LRPPRC: variants seen among roughly 807,000 people sequenced by gnomAD.
The protein encoded by LRPPRC is leucine-rich PPR motif-containing protein, mitochondrial.
A neutral mutation model predicts 180.3 loss-of-function variants in LRPPRC; 120 were observed. The ratio of observed to expected loss-of-function variants is 0.67; its 90% CI spans 0.57 to 0.77. The LOEUF is 0.77. Ranked by LOEUF, LRPPRC falls within the 30% of genes least tolerant of loss-of-function variation. The pLI, the probability that LRPPRC is intolerant of heterozygous loss-of-function variation, is 0.00. For synonymous variants in LRPPRC, 723 were observed against 600.0 expected, an observed-to-expected ratio of 1.21 and a Z score of -3.00; for missense variants, 2,012 against 1,657.2, an observed-to-expected ratio of 1.21 and a Z score of -3.72.
At chr2:43,994,373 C>T (rs1042875647) in intron 1 of LRPPRC, among the ~76,000 whole-genome samples, 1 of 152,184 alleles carries the variant, frequency 6.6e-6, no homozygotes, top group Non-Finnish European at 1.5e-5. Flanking sequence ...CCATGAAGGT[C>T]CGCATAACCG....
At position 43,979,899 on chromosome 2, in the gene LRPPRC, A is replaced by G; in HGVS notation, c.396T>C (p.Ser132=). ...CTTCAAGCTTTAGTTCAGGCAAGAG[A>G]GAACCACAACTACGTAGTAGAAGCA... ...HALLLLRSCG[S]LLPELKLEER... The change falls in exon 3 of 38, where the codon TCT becomes TCC. Residue 132 remains serine (S), a synonymous_variant. Coordinates refer to ENST00000260665, the MANE Select transcript of LRPPRC (RefSeq NM_133259.4). 6.2e-7 allele frequency: 1 copy of G among 1,613,850 alleles called. No homozygotes were observed.
chr2:43,963,886 C>G (rs770821209), intron 11 of LRPPRC, 180 bp from the exon 12 acceptor site: 43 of 619,168 alleles, frequency 6.9e-5, no homozygotes, highest in Middle Eastern at 4.3e-4. Context: ...TTAACTCCTC[C>G]TTTCTTCATC....
chr2:43,944,803 A>G (rs1011725760), intron 22 of LRPPRC, among the ~76,000 whole-genome samples: 9 of 152,132 alleles, frequency 5.9e-5, no homozygotes, highest in African/African-American at 2.2e-4. Context: ...TGAGTATGCA[A>G]ATCAGCTGTG....
At chr2:43,925,766 G>A (rs1243677663) in intron 26 of LRPPRC, 127 bp downstream of exon 26, 4 of 747,446 alleles carry the variant, frequency 5.4e-6, no homozygotes, top group Non-Finnish European at 9.9e-6. Context: ...TCTGGCAAAT[G>A]ATCGAGATAA....
intron 13 of LRPPRC, among the ~76,000 whole-genome samples, chr2:43,960,259 A>C (rs1673289522): frequency 6.6e-6 from 1 of 152,224 alleles, no homozygotes; most frequent in African/African-American, 2.4e-5. Flanking sequence ...CTTCTTCTAA[A>C]TCACATAATC....
At chr2:43,992,402 G>A (rs767115930) in intron 1 of LRPPRC, among the ~76,000 whole-genome samples, 18 of 152,228 alleles carry the variant, frequency 1.2e-4, no homozygotes, top group Non-Finnish European at 1.9e-4. Context: ...CTTCAAAGTA[G>A]TAGTCTGGTA....
At chr2:43,910,898 A>AT (rs1171437147) in intron 30 of LRPPRC, among the ~76,000 whole-genome samples, 3 of 151,914 alleles carry the variant, frequency 2.0e-5, no homozygotes, top group Non-Finnish European at 1.5e-5. Flanking sequence ...TCAAAATCTA[A>AT]TTTTTTTTAA....
At position 43,927,505 on chromosome 2, in the gene LRPPRC, A is replaced by T. The variant is rs182066926; in HGVS notation, c.2737-1544T>A. On this transcript the variant is annotated intron_variant, in intron 25 of 37. Transcript: ENST00000260665. ...ACTATTAATATCTACACTCAGGCAC[A>T]ATTTCTTCTCAAGGATTTTTCTTAC... Among the ~76,000 whole-genome samples the T allele has an allele frequency of 3.3e-4, 50 of 152,336 alleles. 1 individual carries two copies. Among genetic ancestry groups the T allele is most frequent in the African/African-American group, 1.1e-3 (47 of 41,572 alleles).
chr2:43,893,279 T>C (rs1670560466), intron 36 of LRPPRC, among the ~76,000 whole-genome samples: 1 of 152,226 alleles, frequency 6.6e-6, no homozygotes, highest in Non-Finnish European at 1.5e-5. Context: ...AATAAAGCAG[T>C]GGTATGGTTT....
chr2:43,941,948 A>T lies in LRPPRC; in HGVS notation c.2504+1739T>A, dbSNP rs1229951348. Among the ~76,000 whole-genome samples the T allele has an allele frequency of 2.6e-5, 4 of 152,256 alleles. No homozygotes were observed. The South Asian group carries it at 8.3e-4, about 32-fold the overall frequency. ...AAAACACCAATAATGAAAAGACACTAATTTAGATTTCCTTAGCTCAATTAG... is the reference window on the plus strand; with the variant it reads ...AAAACACCAATAATGAAAAGACACTTATTTAGATTTCCTTAGCTCAATTAG... On this transcript the variant is annotated intron_variant, in intron 23 of 37. Coordinates refer to ENST00000260665, the MANE Select transcript of LRPPRC (RefSeq NM_133259.4).
chr2:43,901,729 C>T (rs968311251), intron 31 of LRPPRC: 14 of 539,858 alleles, frequency 2.6e-5, no homozygotes, highest in Admixed American at 1.3e-4. Flanking sequence ...ATTAGAGGCC[C>T]GAGGAATTTC....
intron 31 of LRPPRC, chr2:43,903,509 T>C (rs1670960020): frequency 6.9e-6 from 1 of 145,572 alleles, no homozygotes; most frequent in African/African-American, 2.5e-5. Context: ...GTGCAAACAC[T>C]ACTCCTGTCC....
intron 27 of LRPPRC, among the ~76,000 whole-genome samples, chr2:43,921,945 G>C (rs905505024): frequency 6.6e-6 from 1 of 152,148 alleles, no homozygotes; most frequent in African/African-American, 2.4e-5. Flanking sequence ...CTCTTGGATA[G>C]ACTACTATAC....
intron 1 of LRPPRC, among the ~76,000 whole-genome samples, chr2:43,983,175 T>A (rs1011529716): frequency 6.6e-6 from 1 of 152,190 alleles, no homozygotes; most frequent in Non-Finnish European, 1.5e-5. Flanking sequence ...ATGGTCAGAA[T>A]AGTACATTAT....
At chr2:43,992,930 G>A (rs1196098079) in intron 1 of LRPPRC, among the ~76,000 whole-genome samples, 1 of 152,114 alleles carries the variant, frequency 6.6e-6, no homozygotes, top group Non-Finnish European at 1.5e-5. Flanking sequence ...CCTGAAAAAT[G>A]GAAAAGGTCA....
At chr2:43,983,580 G>T (rs1277237989) in intron 1 of LRPPRC, among the ~76,000 whole-genome samples, 1 of 152,070 alleles carries the variant, frequency 6.6e-6, no homozygotes, top group African/African-American at 2.4e-5. Flanking sequence ...CTAATTATCA[G>T]TGGTTTACAC....
chr2:43,960,044 G>C (rs1482581962), intron 13 of LRPPRC, among the ~76,000 whole-genome samples: 1 of 152,192 alleles, frequency 6.6e-6, no homozygotes, highest in Non-Finnish European at 1.5e-5. Context: ...GTATTAACAT[G>C]TGATGAGCAT....
intron 14 of LRPPRC, among the ~76,000 whole-genome samples, chr2:43,955,724 C>T (rs112028457): frequency 4.6e-5 from 7 of 152,024 alleles, no homozygotes; most frequent in African/African-American, 1.4e-4. Context: ...GGGGACAGAG[C>T]GAGACCCTAT....
chr2:43,928,516 G>A (rs1460892998), intron 25 of LRPPRC, among the ~76,000 whole-genome samples: 6 of 151,986 alleles, frequency 3.9e-5, no homozygotes, highest in Admixed American at 6.6e-5. Flanking sequence ...AAAACCGCCC[G>A]CCCTAGCCTC....
Sources: allele counts gnomAD v4.1 joint callset (sites outside exome capture counted in the v4.1 genomes callset), GRCh38; gene constraint gnomAD v4.1.1; transcripts MANE v1.5; gene names NCBI Gene and HGNC (gene_info 2026-07-23, HGNC 2026-07-21).